Variants in LRRTM4 observed in about 807,000 individuals in gnomAD.
LRRTM4 encodes the protein leucine rich repeat transmembrane neuronal 4.
Under a neutral mutation model 47.6 loss-of-function variants are expected in LRRTM4, and 25 were observed. The observed-to-expected ratio is 0.53, with a 90% CI of 0.38 to 0.73. The LOEUF is 0.73. LRRTM4 is among the 30% of genes least tolerant of loss of function. LRRTM4 has a pLI of 0.00. For missense variants in LRRTM4, 638 were observed against 713.4 expected (o/e 0.89, Z 1.20); for synonymous variants, 311 against 269.5 (o/e 1.15, Z -1.51).
At chr2:76,935,668 G>C (rs573207259) in intron 3 of LRRTM4, among the ~76,000 whole-genome samples, 1 of 152,294 alleles carries the variant, frequency 6.6e-6, no homozygotes, top group South Asian at 2.1e-4. Flanking sequence ...GTATAGGAAT[G>C]TTTATGATTT....
At chr2:77,343,412 G>T (rs914945448) in intron 3 of LRRTM4, among the ~76,000 whole-genome samples, 3 of 151,740 alleles carry the variant, frequency 2.0e-5, no homozygotes, top group African/African-American at 7.3e-5. Flanking sequence ...TTAATTTTTG[G>T]ATTTTATTTT....
chr2:77,277,851 G>T (rs138970015), intron 3 of LRRTM4, among the ~76,000 whole-genome samples: 41 of 152,020 alleles, frequency 2.7e-4, no homozygotes, highest in Non-Finnish European at 5.6e-4. Context: ...GCTCTGTATG[G>T]CACACAAAAG....
intron 3 of LRRTM4, among the ~76,000 whole-genome samples, chr2:76,887,832 T>C: frequency 6.6e-6 from 1 of 151,084 alleles, no homozygotes; most frequent in East Asian, 1.9e-4. Context: ...AATAATAATT[T>C]ACTACTTACT....
At chr2:77,308,824 T>C (rs1165519544) in intron 3 of LRRTM4, among the ~76,000 whole-genome samples, 12 of 144,474 alleles carry the variant, frequency 8.3e-5, no homozygotes, top group African/African-American at 2.8e-4. Flanking sequence ...GCAGCCTCTA[T>C]CCAATTATGC....
chr2:77,094,426 A>T (rs1167027045), intron 3 of LRRTM4, among the ~76,000 whole-genome samples: 1 of 152,166 alleles, frequency 6.6e-6, no homozygotes, highest in East Asian at 1.9e-4. Context: ...ATAGAAAAAA[A>T]ATCCTGAAAT....
At chr2:77,142,832 T>G (rs1672159526) in intron 3 of LRRTM4, among the ~76,000 whole-genome samples, 1 of 152,216 alleles carries the variant, frequency 6.6e-6, no homozygotes, top group Non-Finnish European at 1.5e-5. Flanking sequence ...GGGTTTGCTT[T>G]TTTGTAATTT....
At chr2:77,203,807 G>A (rs1274482923) in intron 3 of LRRTM4, among the ~76,000 whole-genome samples, 2 of 152,114 alleles carry the variant, frequency 1.3e-5, no homozygotes, top group African/African-American at 4.8e-5. Context: ...TGTTCAAAAT[G>A]TTCTATTGCA....
intron 3 of LRRTM4, among the ~76,000 whole-genome samples, chr2:77,017,915 G>A (rs1024224945): frequency 2.5e-5 from 2 of 78,496 alleles, no homozygotes; most frequent in African/African-American, 1.1e-4. Context: ...AACAGGAAGT[G>A]TTAGCTCAAA....
intron 3 of LRRTM4, among the ~76,000 whole-genome samples, chr2:77,221,178 C>T (rs1257592213): frequency 6.6e-6 from 1 of 152,108 alleles, no homozygotes; most frequent in African/African-American, 2.4e-5. Flanking sequence ...CACCACCAGG[C>T]CTGCCCTAAA....
chr2:76,760,949 T>C (rs1673231016), intron 3 of LRRTM4, among the ~76,000 whole-genome samples: 1 of 152,226 alleles, frequency 6.6e-6, no homozygotes, highest in Non-Finnish European at 1.5e-5. Flanking sequence ...GCTGCAACTT[T>C]GACAAATCTG....
intron 3 of LRRTM4, among the ~76,000 whole-genome samples, chr2:77,205,342 A>G (rs2119032): frequency 0.69 from 104,245 of 152,068 alleles, 36,479 homozygotes; most frequent in African/African-American, 0.85. Context: ...AGAAAATAAT[A>G]TTGGGTAATG....
intron 3 of LRRTM4, among the ~76,000 whole-genome samples, chr2:76,911,713 A>G (rs1200873003): frequency 6.6e-6 from 1 of 152,104 alleles, no homozygotes; most frequent in East Asian, 1.9e-4. Flanking sequence ...AGGGAGAGAC[A>G]GGTAGAAATG....
chr2:77,390,288 G>T (rs1474880493), intron 3 of LRRTM4, among the ~76,000 whole-genome samples: 2 of 151,968 alleles, frequency 1.3e-5, no homozygotes, highest in African/African-American at 4.8e-5. Context: ...GCAGTGGACG[G>T]GCTTAGGTAG....
At chr2:77,119,558 A>G (rs1418312015) in intron 3 of LRRTM4, among the ~76,000 whole-genome samples, 3 of 151,818 alleles carry the variant, frequency 2.0e-5, no homozygotes, top group South Asian at 2.1e-4. Context: ...TGTTGTGCCT[A>G]CTGTACTACA....
chr2:77,198,001 T>C (rs73942433), intron 3 of LRRTM4, among the ~76,000 whole-genome samples: 9,058 of 152,198 alleles, frequency 0.06, 682 homozygotes, highest in African/African-American at 0.18. Flanking sequence ...ATGCACGACT[T>C]TATGTTGATA....
chr2:76,895,488 T>C (rs555278626), intron 3 of LRRTM4, among the ~76,000 whole-genome samples: 2 of 152,202 alleles, frequency 1.3e-5, no homozygotes, highest in South Asian at 4.1e-4. Flanking sequence ...TCTACACCAA[T>C]AGGCATAGAA....
intron 3 of LRRTM4, among the ~76,000 whole-genome samples, chr2:76,869,746 A>T (rs1672570400): frequency 6.6e-6 from 1 of 152,304 alleles, no homozygotes; most frequent in East Asian, 1.9e-4. Flanking sequence ...AGTTTGTATT[A>T]TAAGATTTTA....
rs577057673 is a variant in LRRTM4, at chr2:77,457,533, A to G, written c.1551+60785T>C. Among the ~76,000 whole-genome samples, 4 of 152,254 alleles carry G rather than the reference A, an allele frequency of 2.6e-5. No individual in the cohort carries two copies. The East Asian group carries it at 7.7e-4, about 29-fold the overall frequency. ...AGCAGTCAGAATAATATTTTCATAT[A>G]CAAATTACATCATATATCTATCCTA... On this transcript the variant is annotated intron_variant, in intron 3 of 3. Transcript: ENST00000409884.
At chr2:77,046,096 G>A (rs574850495) in intron 3 of LRRTM4, among the ~76,000 whole-genome samples, 1 of 151,860 alleles carries the variant, frequency 6.6e-6, no homozygotes, top group Non-Finnish European at 1.5e-5. Context: ...TCATGTAAGT[G>A]GTTCTTCTCT....
Sources: allele counts gnomAD v4.1 joint callset (sites outside exome capture counted in the v4.1 genomes callset), GRCh38; gene constraint gnomAD v4.1.1; transcripts MANE v1.5; gene names NCBI Gene and HGNC (gene_info 2026-07-23, HGNC 2026-07-21).